Variants in STK11 observed in about 807,000 individuals in gnomAD.
STK11 encodes the protein serine/threonine kinase 11.
A neutral mutation model predicts 47.3 loss-of-function variants in STK11; 8 were observed. The ratio of observed to expected loss-of-function variants is 0.17; its 90% confidence interval spans 0.10 to 0.31. The LOEUF (loss-of-function observed/expected upper bound fraction) is 0.31, where lower values mean the gene tolerates loss of function less well. Among genes scored for constraint, STK11 ranks in the 10% least tolerant of loss-of-function variants. STK11 has a pLI of 1.00. For missense variants in STK11, 475 were observed against 605.0 expected, an observed-to-expected ratio of 0.79 and a Z score of 2.25; for synonymous variants, 330 against 255.8, an observed-to-expected ratio of 1.29 and a Z score of -2.77.
intron 6 of STK11, chr19:1,221,568 G>A (rs2080784682): frequency 1.5e-6 from 1 of 685,742 alleles, no homozygotes; most frequent in Non-Finnish European, 2.4e-6. Flanking sequence ...CCAGAGGGCA[G>A]TGCTGCCCTG....
In STK11 at chr19:1,207,026, C is replaced by T. The variant is rs1568690036; in HGVS notation, c.113C>T (p.Pro38Leu). ...GACTCCACCGAGGTCATCTACCAGC[C>T]GCGCCGCAAGCGGGCCAAGCTCATC... ...RIDSTEVIYQPRRKRAKLIGK... is the reference protein window; with the variant it reads ...RIDSTEVIYQLRRKRAKLIGK... Residue 38 changes from proline (P) to leucine (L), a missense_variant, in exon 1 of 10, where the codon CCG becomes CTG. Pro to Leu is a moderately conservative substitution (Grantham distance 98). Around this residue, in one of 5 missense-constraint regions of STK11, gnomAD observed 47 missense variants for 103.7 expected, o/e 0.45. Transcript: ENST00000326873. The T allele has an allele frequency of 6.2e-7, 1 of 1,613,766 alleles. No individual in the cohort carries two copies. Among genetic ancestry groups the T allele is most frequent in the Non-Finnish European group, 8.5e-7 (1 of 1,179,874 alleles).
At chr19:1,218,889 C>T (rs1044079584) in intron 2 of STK11, among the ~76,000 whole-genome samples, 5 of 152,196 alleles carry the variant, frequency 3.3e-5, no homozygotes, top group Admixed American at 3.3e-4. Flanking sequence ...ACGGGCACAG[C>T]CTCCCTACGG....
intron 9 of STK11, 181 bp downstream of exon 9, chr19:1,226,844 C>T (rs2080827147): frequency 1.3e-6 from 1 of 745,012 alleles, no homozygotes; most frequent in South Asian, 2.2e-5. Context: ...CGTCTCGGGG[C>T]CTGGTGTCTG....
Position 1,218,453 on chromosome 19 carries a change from T to C in STK11, c.327T>C (p.Asn109=), listed in dbSNP as rs749251218. The C allele has an allele frequency of 3.1e-6, 5 of 1,613,532 alleles. No homozygotes were observed. The highest frequency in any genetic ancestry group is 4.5e-5 in the East Asian group (2 of 44,892). The change falls in exon 2 of 10, where the codon AAT becomes AAC. Residue 109 remains asparagine, a synonymous_variant. Transcript: ENST00000326873. The part of the protein sequence containing the change: ...IQLLRRLRHK[N]VIQLVDVLYN... ...TACTGAGGAGGTTACGGCACAAAAA[T>C]GTCATCCAGCTGGTGGATGTGTTAT...
intron 1 of STK11, among the ~76,000 whole-genome samples, chr19:1,209,536 C>T (rs2080694398): frequency 2.0e-5 from 3 of 151,968 alleles, no homozygotes; most frequent in South Asian, 2.1e-4. Flanking sequence ...GACCCGAGAT[C>T]GCACCATTGC....
intron 6 of STK11, 55 bp from the exon 7 acceptor site, chr19:1,221,894 G>A (rs1475888965): frequency 6.5e-7 from 1 of 1,543,184 alleles, no homozygotes; most frequent in Non-Finnish European, 8.8e-7. Flanking sequence ...GGGGACGGTT[G>A]GTGGGGTCTC....
At chr19:1,227,378 C>T in intron 9 of STK11, 1 of 303,198 alleles carries the variant, frequency 3.3e-6, no homozygotes, top group Non-Finnish European at 5.3e-6. Context: ...ACAGCCCATC[C>T]ACCAGCGTCA....
At chr19:1,227,480 G>A in intron 9 of STK11, 113 bp from the exon 10 acceptor site, 2 of 1,041,788 alleles carry the variant, frequency 1.9e-6, no homozygotes, top group Non-Finnish European at 2.3e-6. Flanking sequence ...CTGCCCCCCA[G>A]GAGTCCGGTA....
At chr19:1,222,081 C>T (rs2145429140) in intron 7 of STK11, 75 bp downstream of exon 7, 1 of 1,513,020 alleles carries the variant, frequency 6.6e-7, no homozygotes, top group South Asian at 1.2e-5. Context: ...TGAGCGGGCG[C>T]TAGAGCAGGG....
At chr19:1,226,313 G>C (rs1462018145) in intron 8 of STK11, 141 bp from the exon 9 acceptor site, 3 of 1,469,298 alleles carry the variant, frequency 2.0e-6, no homozygotes, top group Middle Eastern at 2.5e-4. Flanking sequence ...TTTCAGGCTG[G>C]ATACACCTGG....
At chr19:1,226,254 G>C in intron 8 of STK11, 200 bp from the exon 9 acceptor site, 2 of 1,419,626 alleles carry the variant, frequency 1.4e-6, no homozygotes, top group Non-Finnish European at 1.8e-6. Flanking sequence ...GGCCATCTGC[G>C]GGAGGCTCAG....
rs527855802 is a variant in STK11, at chr19:1,221,469, G to A, written c.862+129G>A. On this transcript the variant is annotated intron_variant, in intron 6 of 9. Transcript: ENST00000326873. ...CAGCAGGCATTGAGAGGACTGAGTG[G>A]AGAGGCCGACCTCCCCGCAGGGCCT... 1.1e-5 allele frequency: 15 copies of A among 1,387,894 alleles called. No individual in the cohort carries two copies. In the Admixed American group the frequency reaches 3.2e-4, roughly 30 times the overall value. The allele number at this position is 1,387,894 out of a possible 1,614,324, so 86.0% of individuals were successfully genotyped here. A position where few individuals can be genotyped will look rare whatever the true frequency, so the allele number is the denominator to read the frequency against.
rs56354945 is a variant in STK11, at chr19:1,207,177, C to A, written c.264C>A (p.Ile88=). 4.3e-3 allele frequency: 6,859 copies of A among 1,609,288 alleles called. 205 individuals carry two copies. In the African/African-American group the frequency reaches 0.074, roughly 17 times the overall value. Residue 88 remains isoleucine, a synonymous_variant, in exon 1 of 10, where the codon ATC becomes ATA. Coordinates refer to ENST00000326873, the MANE Select transcript of STK11 (RefSeq NM_000455.5). ...KILKKKKLRR[I]PNGEANVKKE... is the part of the protein sequence containing the mutation. ...TCAAGAAGAAGAAGTTGCGAAGGAT[C>A]CCCAACGGGGAGGCCAACGTGAAGA...
At chr19:1,208,482 T>C (rs560824226) in intron 1 of STK11, among the ~76,000 whole-genome samples, 106 of 151,066 alleles carry the variant, frequency 7.0e-4, no homozygotes, top group African/African-American at 2.3e-3. Context: ...CAATTTTTTG[T>C]ATTTTTCAGT....
intron 1 of STK11, chr19:1,216,397 T>G (rs2080744884): frequency 6.0e-6 from 1 of 166,928 alleles, no homozygotes; most frequent in African/African-American, 2.4e-5. Flanking sequence ...CTGGCCAACA[T>G]GGTGAAACCC....
chr19:1,225,757 G>A (rs938678365), intron 8 of STK11: 8 of 985,442 alleles, frequency 8.1e-6, no homozygotes, highest in African/African-American at 1.7e-5. Flanking sequence ...GGGATGGCTC[G>A]GCAGCCAGTG....
intron 1 of STK11, among the ~76,000 whole-genome samples, chr19:1,210,622 C>A (rs2080703132): frequency 6.6e-6 from 1 of 152,246 alleles, no homozygotes; most frequent in African/African-American, 2.4e-5. Flanking sequence ...GTAATCCCAG[C>A]ACTTTGGGAG....
chr19:1,211,776 A>C (rs1184400991), intron 1 of STK11, among the ~76,000 whole-genome samples: 1 of 152,218 alleles, frequency 6.6e-6, no homozygotes, highest in African/African-American at 2.4e-5. Flanking sequence ...GTGTCCAGCC[A>C]GGAGGTGGGA....
chr19:1,222,841 T>G (rs2080794608), intron 7 of STK11, 144 bp from the exon 8 acceptor site: 5 of 922,870 alleles, frequency 5.4e-6, no homozygotes, highest in Non-Finnish European at 7.9e-6. Context: ...TGGCTGAGCT[T>G]CTGTGGTCAC....
Sources: gnomAD v4.1 joint callset for allele counts (sites outside exome capture counted in the v4.1 genomes callset) on GRCh38, gnomAD v4.1.1 for gene constraint, gnomAD v4.1.1 regional missense constraint, MANE v1.5 for transcripts, NCBI Gene and HGNC (gene_info 2026-07-23, HGNC 2026-07-21) for gene names.